ZNF718: variants seen among roughly 807,000 people sequenced by gnomAD.
The protein encoded by ZNF718 is zinc finger protein 718.
Under a neutral mutation model 2.6 loss-of-function variants are expected in ZNF718, and 3 were observed. That is an observed-to-expected ratio of 1.16 (90% CI 0.53 to 3.01). The LOEUF (loss-of-function observed/expected upper bound fraction) is 3.01, where lower values mean the gene tolerates loss of function less well. ZNF718 is among the 30% of genes most tolerant of loss of function. The pLI is 0.03. For synonymous variants in ZNF718, 135 were observed against 77.9 expected, an observed-to-expected ratio of 1.73 and a Z score of -3.86; for missense variants, 468 against 230.0, an observed-to-expected ratio of 2.03 and a Z score of -6.69.
chr4:147,791 G>A (rs1045632886), intron 3 of ZNF718, among the ~76,000 whole-genome samples: 6 of 152,134 alleles, frequency 3.9e-5, no homozygotes, highest in Admixed American at 6.6e-5. Context: ...TTGAACCCGG[G>A]AGGTGGAGGT....
intron 3 of ZNF718, among the ~76,000 whole-genome samples, chr4:179,326 T>C (rs1717410676): frequency 6.6e-6 from 1 of 152,214 alleles, no homozygotes; most frequent in African/African-American, 2.4e-5. Context: ...GTGTGGTACC[T>C]CTAACTTTGT....
intron 3 of ZNF718, among the ~76,000 whole-genome samples, chr4:142,772 T>G (rs1214099370): frequency 6.6e-6 from 1 of 152,208 alleles, no homozygotes; most frequent in Non-Finnish European, 1.5e-5. Context: ...AAATGAAGAT[T>G]ATAGAAATTC....
intron 3 of ZNF718, chr4:141,954 G>C: frequency 2.0e-6 from 1 of 506,146 alleles, no homozygotes; most frequent in African/African-American, 1.9e-5. Flanking sequence ...ATGCAAGGAG[G>C]CTGAGATTAT....
intron 3 of ZNF718, among the ~76,000 whole-genome samples, chr4:180,095 G>A (rs1309337968): frequency 6.6e-6 from 1 of 152,116 alleles, no homozygotes; most frequent in Admixed American, 6.6e-5. Context: ...TCTGGATAAC[G>A]TAATCACTGT....
intron 3 of ZNF718, among the ~76,000 whole-genome samples, chr4:155,692 C>T (rs781837438): frequency 1.3e-5 from 2 of 151,984 alleles, no homozygotes. Context: ...AAGGGACTTA[C>T]TTTCTCTCAA....
At chr4:153,625 G>A (rs1033946785) in intron 3 of ZNF718, among the ~76,000 whole-genome samples, 3 of 151,854 alleles carry the variant, frequency 2.0e-5, no homozygotes, top group Non-Finnish European at 4.4e-5. Flanking sequence ...AATGAAGTTT[G>A]CTGCTAGACA....
chr4:137,394 GTCATAGAATAACT>G (rs1391354784), intron 3 of ZNF718, among the ~76,000 whole-genome samples: 5 of 152,266 alleles, frequency 3.3e-5, no homozygotes, highest in Admixed American at 6.5e-5. Context: ...GAATTAGTGG[GTCATAGAATAACT>G]TCATTTTTTT....
chr4:193,853 CT>C (rs1717740896), intron 3 of ZNF718, among the ~76,000 whole-genome samples: 1 of 152,196 alleles, frequency 6.6e-6, no homozygotes, highest in African/African-American at 2.4e-5. Flanking sequence ...CCTTCATCCC[CT>C]GGGGCAGTGG....
chr4:138,514 A>G (rs549952331), intron 3 of ZNF718, among the ~76,000 whole-genome samples: 1 of 152,304 alleles, frequency 6.6e-6, no homozygotes, highest in Non-Finnish European at 1.5e-5. Flanking sequence ...CACCACATTT[A>G]CTTTGTCCAT....
In ZNF718 at chr4:162,045, A is replaced by G. The variant is rs1348271892; in HGVS notation, c.1360A>G (p.Lys454Glu). Residue 454 changes from lysine to glutamate, a missense_variant, in exon 4 of 4, where the codon AAA (lysine) becomes GAA (glutamate). Lys to Glu is a moderately conservative substitution (Grantham distance 56, BLOSUM62 1). Transcript: ENST00000510175. ...CACTGTAGATAAACCCTACAAATGT[A>G]AAGAATGCGGGAAAGCTTTTAAGCA... ...IHTVDKPYKCKECGKAFKQYS... is the reference protein window; with the variant it reads ...IHTVDKPYKCEECGKAFKQYS... The G allele has an allele frequency of 5.1e-6, 4 of 777,374 alleles. No homozygotes were observed. In the East Asian group the frequency reaches 9.7e-5, roughly 19 times the overall value. 48.2% of individuals were successfully genotyped at this position (777,374 alleles called of 1,614,324 possible). A position where few individuals can be genotyped will look rare whatever the true frequency, so the allele number is the denominator to read the frequency against.
chr4:168,332 C>T (rs1469045928), downstream of ZNF718, among the ~76,000 whole-genome samples: 1 of 152,102 alleles, frequency 6.6e-6, no homozygotes, highest in African/African-American at 2.4e-5. Context: ...GTGTCTCTGC[C>T]AGGCTTTGGT....
chr4:137,239 T>A (rs569222116), intron 3 of ZNF718, among the ~76,000 whole-genome samples: 73 of 151,746 alleles, frequency 4.8e-4, no homozygotes, highest in Middle Eastern at 3.4e-3. Context: ...TAAACCTTTT[T>A]CTAAAAAAAA....
At chr4:171,939 G>T (rs1366365594) in intron 3 of ZNF718, among the ~76,000 whole-genome samples, 3 of 152,190 alleles carry the variant, frequency 2.0e-5, no homozygotes, top group South Asian at 2.1e-4. Flanking sequence ...CGTCGCTCAC[G>T]CTGGGAGCTG....
At chr4:142,255 T>C (rs1284269020) in intron 3 of ZNF718, among the ~76,000 whole-genome samples, 8 of 152,220 alleles carry the variant, frequency 5.3e-5, no homozygotes, top group Admixed American at 4.6e-4. Flanking sequence ...AACTCTTACC[T>C]TTGAATTTTT....
At chr4:146,908 C>T (rs1716091050) in intron 3 of ZNF718, among the ~76,000 whole-genome samples, 1 of 151,966 alleles carries the variant, frequency 6.6e-6, no homozygotes, top group Admixed American at 6.6e-5. Context: ...TGATTTTGTT[C>T]ATGCATTGTT....
intron 3 of ZNF718, among the ~76,000 whole-genome samples, chr4:190,543 T>A (rs1717671119): frequency 6.6e-6 from 1 of 151,956 alleles, no homozygotes; most frequent in Non-Finnish European, 1.5e-5. Flanking sequence ...TTGGAAAAAG[T>A]CAAATATAAA....
intron 3 of ZNF718, 135 bp from the exon 4 acceptor site, chr4:160,777 T>G: frequency 3.3e-6 from 2 of 600,816 alleles, no homozygotes; most frequent in South Asian, 4.6e-5. Flanking sequence ...GGTCTCGAAC[T>G]CCTTACCTCA....
intron 3 of ZNF718, among the ~76,000 whole-genome samples, chr4:176,896 A>G (rs1487293177): frequency 1.3e-5 from 2 of 152,192 alleles, no homozygotes; most frequent in Non-Finnish European, 2.9e-5. Context: ...ACACTTGTCA[A>G]TGTTTGGAGC....
chr4:124,702 G>C, intron 1 of ZNF718, 29 bp downstream of exon 1: 1 of 1,608,430 alleles, frequency 6.2e-7, no homozygotes, highest in Non-Finnish European at 8.5e-7. Flanking sequence ...GCGTCCCAAG[G>C]CTGTGGAGGC....
Sources: allele counts gnomAD v4.1 joint callset (sites outside exome capture counted in the v4.1 genomes callset), GRCh38; gene constraint gnomAD v4.1.1; transcripts MANE v1.5; gene names NCBI Gene and HGNC (gene_info 2026-07-23, HGNC 2026-07-21).